PLD4: variants seen among roughly 807,000 people sequenced by gnomAD.
The protein encoded by PLD4 is phospholipase D family member 4.
Under a neutral mutation model 52.3 loss-of-function variants are expected in PLD4, and 54 were observed. The observed-to-expected ratio is 1.03, with a 90% CI of 0.83 to 1.30. The LOEUF is 1.30. PLD4 is among the 50% of genes most tolerant of loss of function. The pLI, the probability that PLD4 is intolerant of heterozygous loss-of-function variation, is 0.00. For synonymous variants in PLD4, 264 were observed against 286.5 expected, an observed-to-expected ratio of 0.92 and a Z score of 0.79; for missense variants, 731 against 671.1, an observed-to-expected ratio of 1.09 and a Z score of -0.99.
At chr14:104,929,282 T>G (rs1055129697) in intron 4 of PLD4, 25 bp from the exon 5 acceptor site, 8 of 1,583,338 alleles carry the variant, frequency 5.1e-6, no homozygotes, top group Non-Finnish European at 6.9e-6. Flanking sequence ...TGAGGTCAGC[T>G]CTCATGGCTG....
chr14:104,935,826 TG>T (rs1184508209), downstream of PLD4: 1 of 152,114 alleles, frequency 6.6e-6, no homozygotes, highest in African/African-American at 2.4e-5. Context: ...CACAAGGAGT[TG>T]AGTGTGGCTA....
chr14:104,935,131 C>T (rs1174723880), downstream of PLD4: 2 of 152,298 alleles, frequency 1.3e-5, no homozygotes, highest in Non-Finnish European at 2.9e-5. Context: ...CGTGGCAACA[C>T]CTGGCTCAGA....
In PLD4 at chr14:104,930,747, G is replaced by A. The variant is rs1190455285; in HGVS notation, c.723G>A (p.Lys241=). 3 of 1,613,194 alleles carry A rather than the reference G, an allele frequency of 1.9e-6. No individual in the cohort carries two copies. The Admixed American group carries it at 5.0e-5, about 27-fold the overall frequency. The stretch of plus-strand genomic sequence containing the variant: ...CCTGACTTTGGTCCCTGCAGGTGAA[G>A]GAGCTTGGCGCTGTCATCTATAACT... The part of the protein sequence containing the change: ...NMDWRSLTQV[K]ELGAVIYNCS... Residue 241 remains lysine (K), a synonymous_variant, in exon 7 of 11, where the codon AAG becomes AAA. Transcript: ENST00000392593.
At position 104,927,586 on chromosome 14, in the gene PLD4, T is replaced by C. The variant is rs186784946; in HGVS notation, c.91-87T>C. 102 of 1,392,508 alleles carry C rather than the reference T, an allele frequency of 7.3e-5. 1 individual carries two copies. In the South Asian group the frequency reaches 1.2e-3, roughly 16 times the overall value. 86.3% of individuals were successfully genotyped at this position (1,392,508 alleles called of 1,614,324 possible). ...AGGTCCGGGAAGTCAAGACGGTCTCTGTCTCAGCACTGGAGGGGCCATCGT... is the reference window on the plus strand; with the variant it reads ...AGGTCCGGGAAGTCAAGACGGTCTCCGTCTCAGCACTGGAGGGGCCATCGT... On this transcript the variant is annotated intron_variant, in intron 2 of 10. Transcript: ENST00000392593.
chr14:104,929,852 C>T (rs990936623), intron 5 of PLD4, 126 bp from the exon 6 acceptor site: 5 of 1,120,850 alleles, frequency 4.5e-6, no homozygotes, highest in Admixed American at 4.5e-5. Flanking sequence ...AGGATAGCAG[C>T]AGCTTAGTAG....
chr14:104,932,405 G>A lies in PLD4; in HGVS notation c.1321+50G>A. 1.3e-6 allele frequency: 2 copies of A among 1,569,128 alleles called. No homozygotes were observed. Among genetic ancestry groups the A allele is most frequent in the Non-Finnish European group, 1.8e-6 (2 of 1,142,456 alleles). On this transcript the variant is annotated intron_variant, in intron 10 of 10. Transcript: ENST00000392593. The surrounding 1 kb of genome is among the most constrained non-coding windows in gnomAD (Gnocchi z 6.5). ...GCGGGCCCCAGGGTGGCCAGGCACG[G>A]GCGAGGGAGGCACTGGCTTTGTGAC...
rs562449908 is a variant in PLD4, at chr14:104,929,964, G to A, written c.590-14G>A. 1.2e-6 allele frequency: 2 copies of A among 1,613,250 alleles called. No individual in the cohort carries two copies. The highest frequency in any genetic ancestry group is 1.3e-5 in the African/African-American group (1 of 75,056). ...CAAGACCTAGTTCATCCCATTGCCTGAACTCTCCACCAGGTGCCCATGTAC... is the reference window on the plus strand; with the variant it reads ...CAAGACCTAGTTCATCCCATTGCCTAAACTCTCCACCAGGTGCCCATGTAC... On this transcript the variant is annotated splice_polypyrimidine_tract_variant and intron_variant, in intron 5 of 10. Coordinates refer to ENST00000392593, the MANE Select transcript of PLD4 (RefSeq NM_138790.5).
At chr14:104,926,002 G>C (rs776773387) in intron 1 of PLD4, among the ~76,000 whole-genome samples, 1 of 152,150 alleles carries the variant, frequency 6.6e-6, no homozygotes, top group East Asian at 1.9e-4. Flanking sequence ...CCCATGCTGA[G>C]GCAGGCCAGG....
At chr14:104,933,266 C>T (rs1178249519), downstream of PLD4, 6 of 319,704 alleles carry the variant, frequency 1.9e-5, no homozygotes, top group Admixed American at 1.5e-4. Context: ...CCCGCGCGGG[C>T]GGCCCTTCAT....
chr14:104,931,869 G>A lies in PLD4; in HGVS notation c.1040G>A (p.Arg347His), dbSNP rs372744359. The change falls in exon 8 of 11, where the codon CGC (arginine) becomes CAC (histidine). Residue 347 changes from arginine (R) to histidine (H), a missense_variant. Transcript: ENST00000392593. ...ASVMEYFPTTRFSHPPRYWPV... is the reference protein window; with the variant it reads ...ASVMEYFPTTHFSHPPRYWPV... ...GTGATGGAGTATTTCCCCACCACGC[G>A]CTTCAGCCACCCCCCGAGGTAGGTC... 7 of 1,542,856 alleles carry A rather than the reference G, an allele frequency of 4.5e-6. No individual in the cohort carries two copies. In the Admixed American group the frequency reaches 5.7e-5, roughly 13 times the overall value.
At chr14:104,935,220 C>T (rs1056381177), downstream of PLD4, 1 of 152,300 alleles carries the variant, frequency 6.6e-6, no homozygotes, top group African/African-American at 2.4e-5. Flanking sequence ...GGCCTTATAC[C>T]TGAATGTGTC....
At chr14:104,929,516 G>C in intron 5 of PLD4, 89 bp downstream of exon 5, 18 of 1,460,306 alleles carry the variant, frequency 1.2e-5, no homozygotes, top group Non-Finnish European at 1.6e-5. Flanking sequence ...AAAGAAGTGA[G>C]GGTGGGAAAG....
chr14:104,927,690 G>T lies in PLD4; in HGVS notation c.108G>T (p.Ala36=). 11 of 1,596,412 alleles carry T rather than the reference G, an allele frequency of 6.9e-6. No individual in the cohort carries two copies. Among genetic ancestry groups the T allele is most frequent in the Non-Finnish European group, 9.4e-6 (11 of 1,174,934 alleles). ...CCATCCAGTTGCAGGTCCTGGGAGC[G>T]CTGGCTGTGCTGTGGCTGGGCTCCG... ...REAGTLQVLG[A]LAVLWLGSVA... The change falls in exon 3 of 11, where the codon GCG becomes GCT. Residue 36 remains alanine, a synonymous_variant. Transcript: ENST00000392593.
In PLD4 at chr14:104,930,920, T is replaced by C. The variant is rs771463556; in HGVS notation, c.896T>C (p.Val299Ala). ...CCCTTCCACGGCCTCTTTGATGGGG[T>C]GCCCACCACTGCCTACTTCTCAGTA... is the stretch of plus-strand genomic sequence containing the variant. ...FQPFHGLFDG[V>A]PTTAYFSASP... Residue 299 changes from valine to alanine, a missense_variant, in exon 7 of 11, where the codon GTG (valine) becomes GCG (alanine). By Grantham distance (64) the Val-to-Ala change is moderately conservative. Transcript: ENST00000392593. 5.6e-6 allele frequency: 9 copies of C among 1,613,200 alleles called. No homozygotes were observed. Among genetic ancestry groups the C allele is most frequent in the Non-Finnish European group, 7.6e-6 (9 of 1,179,904 alleles).
Position 104,929,431 on chromosome 14 carries a change from G to T in PLD4, c.589+4G>T, listed in dbSNP as rs1298135682. On this transcript the variant is annotated splice_donor_region_variant and intron_variant, in intron 5 of 10. Coordinates refer to ENST00000392593, the MANE Select transcript of PLD4 (RefSeq NM_138790.5). ...CTGCAGGTTCTGGCTGCCCGAGGTG[G>T]GTACCTGCACCATGCTGGGCACCAC... is the stretch of plus-strand genomic sequence containing the variant. 7.7e-6 allele frequency: 12 copies of T among 1,553,954 alleles called. No individual in the cohort carries two copies. The highest frequency in any genetic ancestry group is 1.0e-5 in the Non-Finnish European group (12 of 1,149,016).
Position 104,927,694 on chromosome 14 carries a change from G to T in PLD4, c.112G>T (p.Ala38Ser), listed in dbSNP as rs1329891658. 2 of 1,598,582 alleles carry T rather than the reference G, an allele frequency of 1.3e-6. No individual in the cohort carries two copies. Among genetic ancestry groups the T allele is most frequent in the East Asian group, 4.5e-5 (2 of 44,558 alleles). The change falls in exon 3 of 11, where the codon GCT becomes TCT. Residue 38 changes from alanine (A) to serine (S), a missense_variant. Coordinates refer to ENST00000392593, the MANE Select transcript of PLD4 (RefSeq NM_138790.5). Reference protein sequence around the residue: ...AGTLQVLGALAVLWLGSVALI... With the variant: ...AGTLQVLGALSVLWLGSVALI... ...CCAGTTGCAGGTCCTGGGAGCGCTG[G>T]CTGTGCTGTGGCTGGGCTCCGTGGC...
intron 3 of PLD4, 102 bp downstream of exon 3, chr14:104,927,968 C>A: frequency 7.8e-7 from 1 of 1,287,202 alleles, no homozygotes; most frequent in Non-Finnish European, 1.0e-6. Flanking sequence ...GGGCCCTCTA[C>A]CAGCTCCTCC....
downstream of PLD4, chr14:104,933,259 G>C: frequency 6.1e-6 from 2 of 329,746 alleles, no homozygotes; most frequent in East Asian, 9.5e-5. Flanking sequence ...TGTGAGTCCC[G>C]CGCGGGCGGC....
At position 104,931,815 on chromosome 14, in the gene PLD4, G is replaced by T; in HGVS notation, c.986G>T (p.Gly329Val). ...CTGGAGGCGCTGCTGGCGGTGATGG[G>T]GAGCGCCCAGGAGTTCATCTATGCC... The part of the protein sequence containing the change: ...RDLEALLAVM[G>V]SAQEFIYASV... Residue 329 changes from glycine to valine, a missense_variant, in exon 8 of 11, where the codon GGG becomes GTG. Transcript: ENST00000392593. 1 of 1,572,784 alleles carries T rather than the reference G, an allele frequency of 6.4e-7. No individual in the cohort carries two copies. The highest frequency in any genetic ancestry group is 8.6e-7 in the Non-Finnish European group (1 of 1,158,660).
Sources: gnomAD v4.1 joint callset for allele counts (sites outside exome capture counted in the v4.1 genomes callset) on GRCh38, gnomAD v4.1.1 for gene constraint, Gnocchi (gnomAD v3.1) non-coding constraint, MANE v1.5 for transcripts, NCBI Gene and HGNC (gene_info 2026-07-23, HGNC 2026-07-21) for gene names.